The following PELI2 variants were observed in gnomAD, a reference collection of about 807,000 sequenced individuals.
PELI2 encodes pellino E3 ubiquitin protein ligase family member 2.
PELI2 carries 23 observed loss-of-function variants against 42.3 expected under a neutral mutation model. The observed-to-expected ratio is 0.54, with a 90% CI of 0.39 to 0.77. The LOEUF is 0.77. PELI2 is among the 30% of genes least tolerant of loss of function. The pLI, the probability that PELI2 is intolerant of heterozygous loss-of-function variation, is 0.00. For missense variants in PELI2, 463 were observed against 553.2 expected (o/e 0.84, Z 1.64); for synonymous variants, 245 against 212.2 (o/e 1.15, Z -1.34).
At position 56,292,805 on chromosome 14, in the gene PELI2, A is replaced by C. The variant is rs929635264; in HGVS notation, c.696+2349A>C. 12 of 960,176 alleles carry C rather than the reference A, an allele frequency of 1.2e-5. No homozygotes were observed. The African/African-American group carries it at 2.1e-4, about 17-fold the overall frequency. 59.5% of individuals were successfully genotyped at this position (960,176 alleles called of 1,614,324 possible). Reference sequence around the variant, plus strand: ...GTCTTTTCAGGCCTTTAACTCCCTGAATAAATAGGTGAATGGAGTTTGAAT... The same window carrying C: ...GTCTTTTCAGGCCTTTAACTCCCTGCATAAATAGGTGAATGGAGTTTGAAT... On this transcript the variant is annotated intron_variant, in intron 5 of 5. Coordinates refer to ENST00000267460, the MANE Select transcript of PELI2 (RefSeq NM_021255.3).
At chr14:56,234,208 C>G (rs1224609473) in intron 2 of PELI2, among the ~76,000 whole-genome samples, 1 of 152,172 alleles carries the variant, frequency 6.6e-6, no homozygotes, top group Non-Finnish European at 1.5e-5. Context: ...CCTCAAGGAT[C>G]TAGAACTAGA....
At chr14:56,145,150 A>C (rs1307923887) in intron 1 of PELI2, 1 of 161,128 alleles carries the variant, frequency 6.2e-6, no homozygotes, top group African/African-American at 2.4e-5. Flanking sequence ...GGAAACTTTC[A>C]GTCATGGCAG....
At chr14:56,257,665 C>A (rs1888570393) in intron 2 of PELI2, among the ~76,000 whole-genome samples, 2 of 152,088 alleles carry the variant, frequency 1.3e-5, no homozygotes, top group Admixed American at 6.6e-5. Flanking sequence ...AACAACTGGA[C>A]AAAATATATT....
At chr14:56,218,792 T>A (rs1321700232) in intron 2 of PELI2, among the ~76,000 whole-genome samples, 1 of 152,096 alleles carries the variant, frequency 6.6e-6, no homozygotes, top group Non-Finnish European at 1.5e-5. Context: ...GATTACAGAT[T>A]AAGCTACAAA....
intron 1 of PELI2, among the ~76,000 whole-genome samples, chr14:56,176,440 G>C (rs1885388788): frequency 6.6e-6 from 1 of 152,134 alleles, no homozygotes; most frequent in Non-Finnish European, 1.5e-5. Context: ...AGTGGCGGTG[G>C]GTTGAGCGGG....
intron 1 of PELI2, among the ~76,000 whole-genome samples, chr14:56,168,261 G>T (rs990370400): frequency 8.2e-6 from 1 of 121,676 alleles, no homozygotes; most frequent in African/African-American, 2.9e-5. Flanking sequence ...TCTGAGCAGC[G>T]TGCCCCCCCC....
At chr14:56,265,865 G>C (rs181034558) in intron 2 of PELI2, among the ~76,000 whole-genome samples, 1 of 151,944 alleles carries the variant, frequency 6.6e-6, no homozygotes, top group Admixed American at 6.6e-5. Flanking sequence ...TTAATCATTA[G>C]GGAAATACAG....
intron 1 of PELI2, among the ~76,000 whole-genome samples, chr14:56,166,909 T>C (rs998295215): frequency 4.6e-5 from 7 of 152,202 alleles, no homozygotes; most frequent in Non-Finnish European, 1.0e-4. Flanking sequence ...TGCCTCAGCC[T>C]CCTGAGTAGC....
At chr14:56,286,934 A>T (rs1889664912) in intron 3 of PELI2, among the ~76,000 whole-genome samples, 1 of 152,226 alleles carries the variant, frequency 6.6e-6, no homozygotes, top group Non-Finnish European at 1.5e-5. Context: ...TCCAGTTAGA[A>T]TAAAATTTCC....
intron 2 of PELI2, among the ~76,000 whole-genome samples, chr14:56,206,704 G>A (rs1052728617): frequency 5.9e-5 from 9 of 151,422 alleles, no homozygotes; most frequent in East Asian, 1.9e-4. Flanking sequence ...CTCCTTGATC[G>A]TTTTTTTTGT....
At chr14:56,206,603 CAG>C (rs1208909605) in intron 2 of PELI2, among the ~76,000 whole-genome samples, 17 of 152,190 alleles carry the variant, frequency 1.1e-4, no homozygotes, top group Non-Finnish European at 2.2e-4. Context: ...AATACACAAT[CAG>C]AGTGGTTTCC....
chr14:56,256,033 G>T (rs1292418253), intron 2 of PELI2, among the ~76,000 whole-genome samples: 5 of 152,100 alleles, frequency 3.3e-5, no homozygotes, highest in African/African-American at 1.2e-4. Context: ...CCTTACTGAG[G>T]ACTCCAGTAC....
intron 2 of PELI2, among the ~76,000 whole-genome samples, chr14:56,274,880 G>A (rs952756442): frequency 1.3e-5 from 2 of 152,180 alleles, no homozygotes; most frequent in African/African-American, 4.8e-5. Flanking sequence ...CTGTTTATCT[G>A]TAATTGCCCA....
At chr14:56,231,570 GAC>G (rs1441270457) in intron 2 of PELI2, among the ~76,000 whole-genome samples, 1 of 152,206 alleles carries the variant, frequency 6.6e-6, no homozygotes, top group African/African-American at 2.4e-5. Context: ...TGAGAACAAA[GAC>G]ACAACATACC....
At chr14:56,200,542 G>T (rs1003593845) in intron 2 of PELI2, among the ~76,000 whole-genome samples, 3 of 152,118 alleles carry the variant, frequency 2.0e-5, no homozygotes, top group Admixed American at 2.0e-4. Context: ...TGGAAATGAC[G>T]ACCAAGAAGG....
rs538055406 is a variant in PELI2 at position 56,141,582 on chromosome 14, C to T, written c.77+22845C>T. On this transcript the variant is annotated intron_variant, in intron 1 of 5. Transcript: ENST00000267460. ...AAAGAGGTTTAATTGACTCACAGTT[C>T]GGCATGGCTGGGGAGGCCTCAGGAT... 5.5e-4 allele frequency among the ~76,000 whole-genome samples: 84 copies of T among 152,248 alleles called. 1 individual carries two copies. Among genetic ancestry groups the T allele is most frequent in the African/African-American group, 1.9e-3 (80 of 41,542 alleles).
chr14:56,179,604 A>G (rs1300412300), intron 2 of PELI2, among the ~76,000 whole-genome samples: 2 of 152,232 alleles, frequency 1.3e-5, no homozygotes, highest in African/African-American at 4.8e-5. Context: ...AATAAACTAA[A>G]CATTTTTAGG....
intron 3 of PELI2, among the ~76,000 whole-genome samples, chr14:56,287,776 G>C (rs964137698): frequency 6.6e-6 from 1 of 152,194 alleles, no homozygotes; most frequent in African/African-American, 2.4e-5. Flanking sequence ...GAAGCAAGCT[G>C]AGCTAAGTGA....
At chr14:56,284,753 T>C (rs1198109031) in intron 3 of PELI2, among the ~76,000 whole-genome samples, 1 of 152,222 alleles carries the variant, frequency 6.6e-6, no homozygotes. Context: ...ATCTTCCAAT[T>C]ACTAGTTTCA....
Sources: allele counts gnomAD v4.1 joint callset (sites outside exome capture counted in the v4.1 genomes callset), GRCh38; gene constraint gnomAD v4.1.1; transcripts MANE v1.5; gene names NCBI Gene and HGNC (gene_info 2026-07-23, HGNC 2026-07-21).